Variants in ALK observed in about 807,000 individuals in gnomAD.
The protein encoded by ALK is ALK tyrosine kinase receptor.
Under a neutral mutation model 163.1 loss-of-function variants are expected in ALK, and 74 were observed. The ratio of observed to expected loss-of-function variants is 0.45; its 90% CI spans 0.38 to 0.55. ALK has a LOEUF of 0.55. Ranked by LOEUF, ALK falls within the 20% of genes least tolerant of loss-of-function variation. The pLI is 0.00. For missense variants in ALK, 2,063 were observed against 2,105.3 expected, an observed-to-expected ratio of 0.98 and a Z score of 0.39; for synonymous variants, 960 against 843.2, an observed-to-expected ratio of 1.14 and a Z score of -2.40.
rs1667989072 is a variant in ALK at position 29,921,067 on chromosome 2, T to C, written c.-408A>G. 7.8e-6 allele frequency: 2 copies of C among 257,314 alleles called. No individual in the cohort carries two copies. The highest frequency in any genetic ancestry group is 1.5e-5 in the Non-Finnish European group (2 of 134,312). 15.9% of individuals were successfully genotyped at this position (257,314 alleles called of 1,614,324 possible). On this transcript the variant is annotated 5_prime_UTR_variant, in exon 1 of 29. Transcript: ENST00000389048. ...AGTCGGAGCTGGGGTCTGTCCCCTC[T>C]CGGGGCAGCCTCCAATCTCTGCAAC...
intron 1 of ALK, among the ~76,000 whole-genome samples, chr2:29,845,247 G>C (rs551672940): frequency 3.2e-4 from 48 of 152,300 alleles, no homozygotes; most frequent in African/African-American, 1.0e-3. Context: ...TGATCCCTCA[G>C]GCTCACACAA....
At chr2:29,521,125 T>A (rs1672800349) in intron 4 of ALK, among the ~76,000 whole-genome samples, 1 of 152,188 alleles carries the variant, frequency 6.6e-6, no homozygotes, top group Non-Finnish European at 1.5e-5. Flanking sequence ...AAAAGCAGCA[T>A]GGCCCACAGG....
intron 1 of ALK, among the ~76,000 whole-genome samples, chr2:29,833,927 A>G (rs557878836): frequency 6.6e-6 from 1 of 152,322 alleles, no homozygotes; most frequent in African/African-American, 2.4e-5. Flanking sequence ...CTTTGACATT[A>G]CCAATATCAA....
chr2:29,481,587 A>T (rs1481087855), intron 4 of ALK, among the ~76,000 whole-genome samples: 1 of 152,202 alleles, frequency 6.6e-6, no homozygotes, highest in Non-Finnish European at 1.5e-5. Flanking sequence ...GACTTTGGCA[A>T]AGCTTCTTCC....
chr2:29,856,494 T>G (rs1323302962), intron 1 of ALK, among the ~76,000 whole-genome samples: 1 of 152,194 alleles, frequency 6.6e-6, no homozygotes, highest in African/African-American at 2.4e-5. Flanking sequence ...GTTTTACATA[T>G]GAGGAAAATA....
chr2:29,484,284 T>C (rs1671730230), intron 4 of ALK, among the ~76,000 whole-genome samples: 1 of 152,172 alleles, frequency 6.6e-6, no homozygotes, highest in South Asian at 2.1e-4. Flanking sequence ...TGATCCATTC[T>C]TGCATTCTTG....
chr2:29,546,763 C>A (rs1051505053), intron 3 of ALK, among the ~76,000 whole-genome samples: 9 of 152,128 alleles, frequency 5.9e-5, no homozygotes, highest in African/African-American at 2.2e-4. Flanking sequence ...TTTCTCTGGG[C>A]ATTCCATTGA....
intron 5 of ALK, among the ~76,000 whole-genome samples, chr2:29,377,432 G>A (rs1028238237): frequency 3.5e-5 from 5 of 141,008 alleles, no homozygotes; most frequent in South Asian, 2.2e-4. Flanking sequence ...CTGAGATGGC[G>A]CCACTGTACT....
chr2:29,424,301 A>G (rs561014462), intron 4 of ALK, among the ~76,000 whole-genome samples: 1 of 152,348 alleles, frequency 6.6e-6, no homozygotes, highest in African/African-American at 2.4e-5. Context: ...CCAACCTAAA[A>G]ATAGCCAAAC....
chr2:29,772,921 G>A (rs1397267027), intron 1 of ALK, among the ~76,000 whole-genome samples: 1 of 152,126 alleles, frequency 6.6e-6, no homozygotes, highest in Non-Finnish European at 1.5e-5. Context: ...TCTGTGTAGG[G>A]GGAATGACTT....
chr2:29,287,030 T>C (rs1042823903), intron 9 of ALK, among the ~76,000 whole-genome samples: 8 of 152,158 alleles, frequency 5.3e-5, no homozygotes, highest in African/African-American at 1.9e-4. Flanking sequence ...ATGTGACTTT[T>C]TTTACATTAT....
At chr2:29,536,996 A>C (rs1208932166) in intron 3 of ALK, among the ~76,000 whole-genome samples, 1 of 152,226 alleles carries the variant, frequency 6.6e-6, no homozygotes, top group Non-Finnish European at 1.5e-5. Flanking sequence ...TGCTTCTAAC[A>C]GTCTATGATC....
chr2:29,629,280 A>G (rs1181987956), intron 3 of ALK, among the ~76,000 whole-genome samples: 1 of 152,178 alleles, frequency 6.6e-6, no homozygotes, highest in Non-Finnish European at 1.5e-5. Flanking sequence ...CCTTTATTGT[A>G]TTTTTACAAA....
intron 11 of ALK, among the ~76,000 whole-genome samples, chr2:29,252,974 C>T (rs72852063): frequency 0.011 from 1,632 of 151,836 alleles, 30 homozygotes; most frequent in African/African-American, 0.036. Flanking sequence ...ACAGACCTAC[C>T]CCACCAAGCC....
intron 9 of ALK, among the ~76,000 whole-genome samples, chr2:29,296,659 T>C (rs1666188731): frequency 6.6e-6 from 1 of 152,182 alleles, no homozygotes; most frequent in Admixed American, 6.5e-5. Context: ...CCGAGACAAG[T>C]GTTCAGTAGC....
At chr2:29,560,935 A>G (rs922381185) in intron 3 of ALK, among the ~76,000 whole-genome samples, 6 of 152,124 alleles carry the variant, frequency 3.9e-5, no homozygotes, top group Non-Finnish European at 5.9e-5. Flanking sequence ...AGTAAATTTT[A>G]TAGTATACAA....
chr2:29,473,733 G>GTAA (rs1282237225), intron 4 of ALK, among the ~76,000 whole-genome samples: 1 of 152,092 alleles, frequency 6.6e-6, no homozygotes, highest in Non-Finnish European at 1.5e-5. Flanking sequence ...AAATTAGCCT[G>GTAA]TAATCTCAGC....
chr2:29,337,958 G>A (rs944699936), intron 5 of ALK, among the ~76,000 whole-genome samples: 4 of 152,192 alleles, frequency 2.6e-5, no homozygotes, highest in African/African-American at 9.7e-5. Context: ...ATAAATTGGG[G>A]ATGCTGCCTA....
intron 4 of ALK, among the ~76,000 whole-genome samples, chr2:29,514,410 A>G (rs1252719063): frequency 6.6e-6 from 1 of 151,846 alleles, no homozygotes; most frequent in Non-Finnish European, 1.5e-5. Flanking sequence ...ACAAAAAACC[A>G]AACACCGCAT....
Sources: gnomAD v4.1 joint callset for allele counts (sites outside exome capture counted in the v4.1 genomes callset) on GRCh38, gnomAD v4.1.1 for gene constraint, MANE v1.5 for transcripts, NCBI Gene and HGNC (gene_info 2026-07-23, HGNC 2026-07-21) for gene names.